PIP4K2A: variants seen among roughly 807,000 people sequenced by gnomAD.
PIP4K2A encodes phosphatidylinositol 5-phosphate 4-kinase type-2 alpha.
Under a neutral mutation model 42.9 loss-of-function variants are expected in PIP4K2A, and 14 were observed. That is an observed-to-expected ratio of 0.33 (90% CI 0.22 to 0.51). PIP4K2A has a LOEUF of 0.51. Ranked by LOEUF, PIP4K2A falls within the 20% of genes least tolerant of loss-of-function variation. PIP4K2A has a pLI of 0.97. For missense variants in PIP4K2A, 434 were observed against 519.8 expected, an observed-to-expected ratio of 0.83 and a Z score of 1.61; for synonymous variants, 192 against 192.2, an observed-to-expected ratio of 1.00 and a Z score of 0.01.
chr10:22,688,573 C>G (rs997024641), intron 1 of PIP4K2A, among the ~76,000 whole-genome samples: 1 of 152,214 alleles, frequency 6.6e-6, no homozygotes, highest in Non-Finnish European at 1.5e-5. Context: ...CCACCTCAGC[C>G]TCCCGAGTAG....
chr10:22,676,502 A>G (rs534443682), intron 1 of PIP4K2A, among the ~76,000 whole-genome samples: 1 of 152,272 alleles, frequency 6.6e-6, no homozygotes, highest in African/African-American at 2.4e-5. Flanking sequence ...GGGCATTCTA[A>G]AAATCTGAAT....
intron 1 of PIP4K2A, among the ~76,000 whole-genome samples, chr10:22,696,033 G>C (rs1418770438): frequency 1.3e-5 from 2 of 152,058 alleles, no homozygotes; most frequent in African/African-American, 4.8e-5. Flanking sequence ...CCTATAAAAA[G>C]GTGTAAGTAG....
At chr10:22,711,264 C>T (rs973580028) in intron 1 of PIP4K2A, among the ~76,000 whole-genome samples, 6 of 152,130 alleles carry the variant, frequency 3.9e-5, no homozygotes, top group Non-Finnish European at 8.8e-5. Context: ...ACCTTAATTG[C>T]AAGTTGTTAT....
At chr10:22,587,469 A>G (rs1176964212) in intron 4 of PIP4K2A, among the ~76,000 whole-genome samples, 2 of 152,220 alleles carry the variant, frequency 1.3e-5, no homozygotes, top group Admixed American at 1.3e-4. Flanking sequence ...TAGAGAGAGA[A>G]AGTTTCTTAG....
chr10:22,555,768 AAAAC>A (rs1488401211), intron 6 of PIP4K2A, among the ~76,000 whole-genome samples: 1 of 152,296 alleles, frequency 6.6e-6, no homozygotes, highest in Non-Finnish European at 1.5e-5. Context: ...TTAAAAAAAA[AAAAC>A]AATTTATGAT....
At chr10:22,562,165 T>C (rs1006441133) in intron 6 of PIP4K2A, among the ~76,000 whole-genome samples, 6 of 152,132 alleles carry the variant, frequency 3.9e-5, no homozygotes, top group African/African-American at 1.4e-4. Flanking sequence ...AAATCCTAAC[T>C]GATCATGGAA....
At chr10:22,588,693 A>G (rs1837450127) in intron 4 of PIP4K2A, among the ~76,000 whole-genome samples, 1 of 152,236 alleles carries the variant, frequency 6.6e-6, no homozygotes, top group Non-Finnish European at 1.5e-5. Context: ...ATCATCCAAG[A>G]GGCAGTTCCT....
At chr10:22,662,974 T>C (rs181692998) in intron 1 of PIP4K2A, among the ~76,000 whole-genome samples, 172 of 152,160 alleles carry the variant, frequency 1.1e-3, no homozygotes, top group African/African-American at 3.8e-3. Flanking sequence ...CGCCCCAGGG[T>C]GAGGAGAAAG....
intron 5 of PIP4K2A, among the ~76,000 whole-genome samples, chr10:22,568,192 T>G (rs1288550935): frequency 1.3e-5 from 2 of 152,232 alleles, no homozygotes; most frequent in Non-Finnish European, 2.9e-5. Flanking sequence ...ATCACTTACT[T>G]GAGCAGTAAC....
chr10:22,581,672 T>C (rs1837285232), intron 4 of PIP4K2A, among the ~76,000 whole-genome samples: 1 of 151,996 alleles, frequency 6.6e-6, no homozygotes, highest in African/African-American at 2.4e-5. Context: ...TCACTTCCCT[T>C]CATTACTTAC....
In PIP4K2A at chr10:22,536,918, A is replaced by G. The variant is rs973917512; in HGVS notation, c.*283T>C. The G allele has an allele frequency of 3.0e-6, 1 of 338,608 alleles. No homozygotes were observed. The highest frequency in any genetic ancestry group is 5.4e-6 in the Non-Finnish European group (1 of 186,764). The allele number at this position is 338,608 out of a possible 1,614,324, so 21.0% of individuals were successfully genotyped here. ...TGACCGAAGTGGATCTGTTTTAATT[A>G]ATTTATGACTTTTAAAATGCACACG... On this transcript the variant is annotated 3_prime_UTR_variant, in exon 10 of 10. Coordinates refer to ENST00000376573, the MANE Select transcript of PIP4K2A (RefSeq NM_005028.5).
At chr10:22,667,917 A>G (rs974576729) in intron 1 of PIP4K2A, among the ~76,000 whole-genome samples, 3 of 125,504 alleles carry the variant, frequency 2.4e-5, no homozygotes, top group Non-Finnish European at 5.2e-5. Flanking sequence ...GTGTGTGTGT[A>G]GAGAGGGGGA....
intron 1 of PIP4K2A, among the ~76,000 whole-genome samples, chr10:22,662,819 T>A (rs921508663): frequency 3.3e-5 from 5 of 152,166 alleles, no homozygotes; most frequent in African/African-American, 1.2e-4. Context: ...ATACAAATTG[T>A]CCCTTCCCAT....
Position 22,672,111 on chromosome 10 carries a change from T to C in PIP4K2A, c.144+42072A>G, listed in dbSNP as rs547870464. On this transcript the variant is annotated intron_variant, in intron 1 of 9. Transcript: ENST00000376573. ...CTCCAAAGACTCTTTGTAATTCTTA[T>C]CCTACTACAGAAAAAGACCGATGTA... Among the ~76,000 whole-genome samples the C allele has an allele frequency of 2.6e-5, 4 of 152,226 alleles. No homozygotes were observed. The East Asian group carries it at 7.7e-4, about 29-fold the overall frequency.
At chr10:22,572,472 G>A (rs1283590722) in intron 5 of PIP4K2A, among the ~76,000 whole-genome samples, 1 of 152,144 alleles carries the variant, frequency 6.6e-6, no homozygotes, top group Non-Finnish European at 1.5e-5. Flanking sequence ...CAAAAAATTA[G>A]CTGAGCATGG....
chr10:22,686,930 G>T (rs1839775732), intron 1 of PIP4K2A, among the ~76,000 whole-genome samples: 1 of 152,142 alleles, frequency 6.6e-6, no homozygotes, highest in Admixed American at 6.5e-5. Context: ...TGTTATGAGA[G>T]GTATTCCGCA....
intron 1 of PIP4K2A, among the ~76,000 whole-genome samples, chr10:22,642,977 C>T (rs953179484): frequency 4.6e-5 from 7 of 152,240 alleles, no homozygotes; most frequent in African/African-American, 1.2e-4. Flanking sequence ...AAGCTCATCA[C>T]GCTCCTGAAT....
rs4748812 is a variant in PIP4K2A at position 22,550,154 on chromosome 10, G to A, written c.792+505C>T. 0.55 allele frequency among the ~76,000 whole-genome samples: 84,139 copies of A among 151,942 alleles called. 24,546 individuals carry two copies. Among genetic ancestry groups the A allele is most frequent in the South Asian group, 0.74 (3,575 of 4,812 alleles). On this transcript the variant is annotated intron_variant, in intron 7 of 9. Coordinates refer to ENST00000376573, the MANE Select transcript of PIP4K2A (RefSeq NM_005028.5). ...ACAATGTGTAAGGGGGCCTCACTGGGCCTCATGACATGGTTTGTGGTGACT... is the reference window on the plus strand; with the variant it reads ...ACAATGTGTAAGGGGGCCTCACTGGACCTCATGACATGGTTTGTGGTGACT...
At chr10:22,695,550 T>G (rs999917118) in intron 1 of PIP4K2A, among the ~76,000 whole-genome samples, 6 of 152,208 alleles carry the variant, frequency 3.9e-5, no homozygotes, top group African/African-American at 1.4e-4. Flanking sequence ...ATCCCCTATA[T>G]GAAGAGAATA....
Sources: gnomAD v4.1 joint callset for allele counts (sites outside exome capture counted in the v4.1 genomes callset) on GRCh38, gnomAD v4.1.1 for gene constraint, MANE v1.5 for transcripts, NCBI Gene and HGNC (gene_info 2026-07-23, HGNC 2026-07-21) for gene names.